Variants in HPS5 observed in about 807,000 individuals in gnomAD.
HPS5 encodes HPS5 biogenesis of lysosomal organelles complex 2 subunit 2.
Under a neutral mutation model 128.0 loss-of-function variants are expected in HPS5, and 83 were observed. The ratio of observed to expected loss-of-function variants is 0.65; its 90% CI spans 0.54 to 0.78. HPS5 has a LOEUF of 0.78. HPS5 is among the 30% of genes least tolerant of loss of function. The probability of loss-of-function intolerance (pLI) is 0.00; values close to 1 mark genes in which losing one functional copy is unlikely to be tolerated. For missense variants in HPS5, 1,281 were observed against 1,326.2 expected (o/e 0.97, Z 0.53); for synonymous variants, 475 against 470.2 (o/e 1.01, Z -0.13).
At chr11:18,296,517 T>A in intron 12 of HPS5, 1 of 591,296 alleles carries the variant, frequency 1.7e-6, no homozygotes, top group Non-Finnish European at 3.0e-6. Context: ...ATCTTCCCAC[T>A]CTTTTGGTTA....
intron 22 of HPS5, among the ~76,000 whole-genome samples, chr11:18,281,015 T>C (rs904423835): frequency 1.3e-5 from 2 of 151,444 alleles, no homozygotes; most frequent in Non-Finnish European, 2.9e-5. Flanking sequence ...ATTGTTAAGA[T>C]GATAAATTTT....
At chr11:18,306,071 A>G (rs1862324868) in intron 7 of HPS5, 64 bp downstream of exon 7, 1 of 1,159,614 alleles carries the variant, frequency 8.6e-7, no homozygotes, top group South Asian at 1.2e-5. Flanking sequence ...AATATCAGAG[A>G]TTTTCACCGA....
At chr11:18,296,734 G>C (rs1861113525) in intron 12 of HPS5, 64 bp downstream of exon 12, 2 of 1,405,878 alleles carry the variant, frequency 1.4e-6, no homozygotes, top group Non-Finnish European at 2.0e-6. Flanking sequence ...GATAATCCTG[G>C]TAACAGGAGC....
intron 2 of HPS5, chr11:18,314,592 T>C (rs1218804143): frequency 1.3e-5 from 2 of 152,180 alleles, no homozygotes; most frequent in Non-Finnish European, 2.9e-5. Context: ...CTAATCAAAG[T>C]GTATATTTAA....
Position 18,285,439 on chromosome 11 carries a change from G to A in HPS5, c.2858C>T (p.Ser953Phe). 1 of 1,611,790 alleles carries A rather than the reference G, an allele frequency of 6.2e-7. No homozygotes were observed. The highest frequency in any genetic ancestry group is 8.5e-7 in the Non-Finnish European group (1 of 1,178,058). ...AAGGATCAGCTGACTGTAACCCCAG[G>A]AAAGCAAGTGTGAATGAGGCCTATG... Reference protein sequence around the residue: ...GYPRPHSHLLSWGYSQLILHL... With the variant: ...GYPRPHSHLLFWGYSQLILHL... The change falls in exon 20 of 23, where the codon TCC becomes TTC. Residue 953 changes from serine to phenylalanine, a missense_variant. Physicochemically the swap from Ser to Phe is radical, Grantham distance 155. Coordinates refer to ENST00000349215, the MANE Select transcript of HPS5 (RefSeq NM_181507.2).
intron 8 of HPS5, among the ~76,000 whole-genome samples, chr11:18,304,318 G>A (rs888300196): frequency 6.6e-6 from 1 of 151,226 alleles, no homozygotes; most frequent in African/African-American, 2.4e-5. Flanking sequence ...CCAGGTTCAA[G>A]CGATTCTCCT....
At position 18,318,357 on chromosome 11, in the gene HPS5, A is replaced by G. The variant is rs377378638; in HGVS notation, c.-49-450T>C. On this transcript the variant is annotated intron_variant, in intron 1 of 22. Transcript: ENST00000349215. ...GCAAACCCTACAGTTATCAGCTAAC[A>G]ATTTAACAGTGGTTTATAGGAATAG... is the stretch of plus-strand genomic sequence containing the variant. Among the ~76,000 whole-genome samples the G allele has an allele frequency of 3.9e-5, 6 of 152,310 alleles. No homozygotes were observed. In the East Asian group the frequency reaches 1.2e-3, roughly 29 times the overall value.
chr11:18,286,260 C>A (rs373340655), intron 19 of HPS5, among the ~76,000 whole-genome samples: 2 of 152,306 alleles, frequency 1.3e-5, no homozygotes, highest in African/African-American at 4.8e-5. Flanking sequence ...AAATAAGACT[C>A]CTAGCCAGGC....
intron 19 of HPS5, among the ~76,000 whole-genome samples, chr11:18,286,241 A>G (rs1448263782): frequency 6.6e-6 from 1 of 152,228 alleles, no homozygotes; most frequent in African/African-American, 2.4e-5. Context: ...ACTGGAGCTT[A>G]ATCCTTAGAA....
Position 18,279,723 on chromosome 11 carries a change from G to T in HPS5, c.*159C>A. ...AGGTCATGGATAAAGAGTCACAGAT[G>T]CCGATGCCAAGGGTACAGACACTGA... On this transcript the variant is annotated 3_prime_UTR_variant, in exon 23 of 23. Transcript: ENST00000349215. 1.4e-6 allele frequency: 1 copy of T among 692,464 alleles called. No homozygotes were observed. 42.9% of individuals were successfully genotyped at this position (692,464 alleles called of 1,614,324 possible).
intron 19 of HPS5, 74 bp from the exon 20 acceptor site, chr11:18,285,533 G>A (rs922037291): frequency 1.1e-5 from 11 of 1,012,464 alleles, no homozygotes; most frequent in Non-Finnish European, 1.7e-5. Flanking sequence ...CACCTAATAG[G>A]TAAGAATAGA....
chr11:18,287,783 T>G (rs1859919568), intron 17 of HPS5, 93 bp from the exon 18 acceptor site: 1 of 1,583,616 alleles, frequency 6.3e-7, no homozygotes, highest in Admixed American at 1.7e-5. Context: ...TGAAAATAAA[T>G]ATACTAACAG....
chr11:18,300,895 C>T lies in HPS5; in HGVS notation c.918G>A (p.Trp306Ter). The change falls in exon 9 of 23, where the codon TGG (tryptophan) becomes TGA (stop). Residue 306 changes from tryptophan (W) to a stop codon, truncating the protein, a stop_gained. Transcript: ENST00000349215. LOFTEE classifies it high-confidence loss of function. ...LHLSEHCVLTWTERGIYIFIP... is the reference protein window; with the variant it reads ...LHLSEHCVLT ...TGAAAATATAAATTCCTCTTTCTGT[C>T]CAAGTCAGCACACAATGCTCACTGC... 5.0e-6 allele frequency: 8 copies of T among 1,601,074 alleles called. No individual in the cohort carries two copies. The highest frequency in any genetic ancestry group is 6.8e-6 in the Non-Finnish European group (8 of 1,168,320).
intron 9 of HPS5, among the ~76,000 whole-genome samples, chr11:18,299,900 T>C (rs1590097704): frequency 6.6e-6 from 1 of 152,162 alleles, no homozygotes; most frequent in African/African-American, 2.4e-5. Flanking sequence ...ATGTTCTCAT[T>C]TATATGCAGA....
chr11:18,311,613 C>T (rs550942320), intron 3 of HPS5, 162 bp from the exon 4 acceptor site: 189 of 550,070 alleles, frequency 3.4e-4, no homozygotes, highest in African/African-American at 2.7e-3. Context: ...TGGGTTCAAG[C>T]GATTCTCCTG....
intron 6 of HPS5, among the ~76,000 whole-genome samples, chr11:18,307,673 T>A (rs76248236): frequency 6.6e-6 from 1 of 151,938 alleles, no homozygotes; most frequent in East Asian, 1.9e-4. Flanking sequence ...AACACTAAAT[T>A]TACATGAAGC....
At chr11:18,320,991 T>A (rs1312738054) in intron 1 of HPS5, among the ~76,000 whole-genome samples, 1 of 152,168 alleles carries the variant, frequency 6.6e-6, no homozygotes, top group Non-Finnish European at 1.5e-5. Context: ...CTGCTATTAA[T>A]CAAATGCAAC....
chr11:18,295,255 A>C, intron 13 of HPS5, 86 bp from the exon 14 acceptor site: 1 of 1,382,430 alleles, frequency 7.2e-7, no homozygotes, highest in Non-Finnish European at 1.0e-6. Flanking sequence ...TTTCTCCCTA[A>C]TAAGTCCTAG....
chr11:18,311,360 A>C lies in HPS5; in HGVS notation c.284+27T>G, dbSNP rs112856435. ...CAATTTAAAATGCATTTGAAAAAGG[A>C]CAGATAGTTTTGGAACAGATTCTTA... On this transcript the variant is annotated intron_variant, in intron 4 of 22. Transcript: ENST00000349215. 10,122 of 1,473,786 alleles carry C rather than the reference A, an allele frequency of 6.9e-3. 542 individuals carry two copies. In the African/African-American group the frequency reaches 0.12, roughly 17 times the overall value. 91.3% of individuals were successfully genotyped at this position (1,473,786 alleles called of 1,614,324 possible).
Sources: allele counts gnomAD v4.1 joint callset (sites outside exome capture counted in the v4.1 genomes callset), GRCh38; gene constraint gnomAD v4.1.1; transcripts MANE v1.5; gene names NCBI Gene and HGNC (gene_info 2026-07-23, HGNC 2026-07-21).